PLXNA4: variants seen among roughly 807,000 people sequenced by gnomAD.
PLXNA4 encodes the protein plexin-A4.
PLXNA4 carries 44 observed loss-of-function variants against 191.8 expected under a neutral mutation model. The observed-to-expected ratio is 0.23, with a 90% CI of 0.18 to 0.29. The LOEUF (loss-of-function observed/expected upper bound fraction) is 0.29. PLXNA4 is among the 10% of genes least tolerant of loss of function. The pLI, the probability that PLXNA4 is intolerant of heterozygous loss-of-function variation, is 1.00. For missense variants in PLXNA4, 1,800 were observed against 2,488.8 expected, an observed-to-expected ratio of 0.72 and a Z score of 5.89; for synonymous variants, 1,082 against 1,009.5, an observed-to-expected ratio of 1.07 and a Z score of -1.36.
intron 5 of PLXNA4, among the ~76,000 whole-genome samples, chr7:132,233,068 T>C (rs1239224580): frequency 6.6e-6 from 1 of 152,154 alleles, no homozygotes; most frequent in East Asian, 1.9e-4. Context: ...AGGTGCACCA[T>C]CTGTGCTTAG....
chr7:132,287,322 T>C lies in PLXNA4; in HGVS notation c.1503+10769A>G, dbSNP rs1329681607. Among the ~76,000 whole-genome samples the C allele has an allele frequency of 2.0e-5, 3 of 152,348 alleles. No individual in the cohort carries two copies. In the East Asian group the frequency reaches 5.8e-4, roughly 29 times the overall value. ...AAGTGCTAGGATTAACAATACATTT[T>C]CTAATTGTAATAAGAATAATGATAA... On this transcript the variant is annotated intron_variant, in intron 4 of 31. Coordinates refer to ENST00000321063, the MANE Select transcript of PLXNA4 (RefSeq NM_020911.2).
At chr7:132,552,357 C>T (rs566126746) in intron 1 of PLXNA4, among the ~76,000 whole-genome samples, 1 of 152,292 alleles carries the variant, frequency 6.6e-6, no homozygotes, top group African/African-American at 2.4e-5. Context: ...AAAAAGAAGT[C>T]ACAGGGGGAG....
intron 2 of PLXNA4, among the ~76,000 whole-genome samples, chr7:132,616,200 C>T (rs780524876): frequency 5.3e-5 from 8 of 152,184 alleles, no homozygotes; most frequent in Non-Finnish European, 1.2e-4. Flanking sequence ...GTTCCATGCA[C>T]AGTTTAAAAA....
intron 2 of PLXNA4, among the ~76,000 whole-genome samples, chr7:132,602,715 G>T (rs919836367): frequency 2.0e-5 from 3 of 152,122 alleles, no homozygotes; most frequent in African/African-American, 7.2e-5. Context: ...CTTAGCGAGG[G>T]AAGAGAGTAC....
chr7:132,431,784 G>A (rs1012851726), intron 3 of PLXNA4, among the ~76,000 whole-genome samples: 5 of 152,184 alleles, frequency 3.3e-5, no homozygotes, highest in African/African-American at 1.2e-4. Context: ...ATGTGACTAC[G>A]TAAATAAGGA....
At chr7:132,159,806 C>T (rs1411821042) in intron 24 of PLXNA4, among the ~76,000 whole-genome samples, 174 bp from the exon 25 acceptor site, 1 of 152,202 alleles carries the variant, frequency 6.6e-6, no homozygotes, top group African/African-American at 2.4e-5. Context: ...ACTGCCCTTT[C>T]CTGTCCAGGC....
At chr7:132,555,526 C>T (rs1282237400) in intron 1 of PLXNA4, among the ~76,000 whole-genome samples, 1 of 152,200 alleles carries the variant, frequency 6.6e-6, no homozygotes, top group Non-Finnish European at 1.5e-5. Context: ...ATTACCTCTC[C>T]ACTTATTGAG....
At chr7:132,472,744 A>G (rs1276646051) in intron 3 of PLXNA4, among the ~76,000 whole-genome samples, 1 of 152,202 alleles carries the variant, frequency 6.6e-6, no homozygotes, top group Non-Finnish European at 1.5e-5. Context: ...TGTAGGTGAA[A>G]GGCACAGGGC....
intron 2 of PLXNA4, among the ~76,000 whole-genome samples, chr7:132,622,933 C>T (rs969895675): frequency 2.6e-5 from 4 of 152,322 alleles, no homozygotes; most frequent in East Asian, 1.9e-4. Flanking sequence ...TCATGAAGCA[C>T]GGCTGCCCAG....
At chr7:132,426,379 T>C (rs1408545988) in intron 3 of PLXNA4, among the ~76,000 whole-genome samples, 1 of 152,182 alleles carries the variant, frequency 6.6e-6, no homozygotes, top group East Asian at 1.9e-4. Flanking sequence ...AGTATAGATG[T>C]ATTGTCTCCA....
At position 132,133,212 on chromosome 7, in the gene PLXNA4, G is replaced by T. The variant is rs1250729744; in HGVS notation, c.5439-13C>A. 3 of 1,613,498 alleles carry T rather than the reference G, an allele frequency of 1.9e-6. No individual in the cohort carries two copies. Among genetic ancestry groups the T allele is most frequent in the Admixed American group, 1.7e-5 (1 of 59,994 alleles). On this transcript the variant is annotated splice_polypyrimidine_tract_variant and intron_variant, in intron 30 of 31. Transcript: ENST00000321063. ...GTCTGAGTAATACCTGTGGAGGGAT[G>T]GAAATAGGGAGAAGCTGAAGTCGTG...
intron 3 of PLXNA4, among the ~76,000 whole-genome samples, chr7:132,449,675 C>T (rs1299853266): frequency 6.6e-6 from 1 of 152,254 alleles, no homozygotes; most frequent in East Asian, 1.9e-4. Context: ...ATGCTTCTCT[C>T]TTTCCTGACA....
chr7:132,146,448 G>A, intron 28 of PLXNA4, 62 bp downstream of exon 28: 1 of 1,613,894 alleles, frequency 6.2e-7, no homozygotes, highest in South Asian at 1.1e-5. Flanking sequence ...CATTTCTGTG[G>A]GCTGATGAAG....
rs192205113 is a variant in PLXNA4, at chr7:132,206,997, C to T, written c.2299-3578G>A. Among the ~76,000 whole-genome samples the T allele has an allele frequency of 2.0e-5, 3 of 152,260 alleles. No individual in the cohort carries two copies. The East Asian group carries it at 5.8e-4, about 29-fold the overall frequency. The stretch of plus-strand genomic sequence containing the variant: ...CCCATTACCTTGGGAAAGTGTGAAC[C>T]TCAGCTTCTACTTCTAAAGCAAAAA... On this transcript the variant is annotated intron_variant, in intron 10 of 31. Transcript: ENST00000321063.
intron 2 of PLXNA4, among the ~76,000 whole-genome samples, chr7:132,626,035 C>A (rs917849231): frequency 1.3e-5 from 2 of 152,206 alleles, no homozygotes; most frequent in African/African-American, 2.4e-5. Flanking sequence ...TTATCCCAAA[C>A]TGAATTCATC....
intron 3 of PLXNA4, among the ~76,000 whole-genome samples, chr7:132,311,371 T>G (rs1444242549): frequency 6.6e-6 from 1 of 152,116 alleles, no homozygotes; most frequent in African/African-American, 2.4e-5. Context: ...GTCACTTATA[T>G]GCATTGCTAC....
chr7:132,438,773 A>G (rs1176793760), intron 3 of PLXNA4, among the ~76,000 whole-genome samples: 2 of 152,148 alleles, frequency 1.3e-5, no homozygotes, highest in Admixed American at 1.3e-4. Flanking sequence ...AATATTGACA[A>G]TTCTGTTCTT....
rs71178032 is a variant in PLXNA4 at position 132,252,299 on chromosome 7, GTTTTTTTT to G, written c.1504-11141_1504-11134del. Among the ~76,000 whole-genome samples the G allele has an allele frequency of 9.2e-4, 69 of 75,340 alleles. 1 individual carries two copies. Among genetic ancestry groups the G allele is most frequent in the African/African-American group, 2.9e-3 (59 of 20,690 alleles). 49.4% of individuals were successfully genotyped at this position (75,340 alleles called of 152,430 possible). On this transcript the variant is annotated intron_variant, in intron 4 of 31. Transcript: ENST00000321063. ...TTGTTAAAATGACAGCATTCTAAAA[GTTTTTTTT>G]TTTTTTTTTTTTTTTTTTTTTTGAG...
At chr7:132,516,723 CGAG>C (rs1798956768) in intron 1 of PLXNA4, among the ~76,000 whole-genome samples, 1 of 152,002 alleles carries the variant, frequency 6.6e-6, no homozygotes, top group Admixed American at 6.6e-5. Flanking sequence ...TTTGGAAGGC[CGAG>C]GCAGGTGGAT....
Sources: gnomAD v4.1 joint callset for allele counts (sites outside exome capture counted in the v4.1 genomes callset) on GRCh38, gnomAD v4.1.1 for gene constraint, MANE v1.5 for transcripts, NCBI Gene and HGNC (gene_info 2026-07-23, HGNC 2026-07-21) for gene names.